The following NWD1 variants were observed in gnomAD, a reference collection of about 807,000 sequenced individuals.
The protein encoded by NWD1 is NACHT domain- and WD repeat-containing protein 1.
NWD1 carries 129 observed loss-of-function variants against 135.1 expected under a neutral mutation model. The ratio of observed to expected loss-of-function variants is 0.96; its 90% CI spans 0.83 to 1.11. The LOEUF is 1.11. Ranked by LOEUF, NWD1 falls within the 50% of genes least tolerant of loss-of-function variation. NWD1 has a pLI of 0.00. For missense variants in NWD1, 1,740 were observed against 1,851.3 expected, an observed-to-expected ratio of 0.94 and a Z score of 1.10; for synonymous variants, 773 against 786.0, an observed-to-expected ratio of 0.98 and a Z score of 0.28.
In NWD1 at chr19:16,729,595, A is replaced by T. The variant is rs1361738727; in HGVS notation, c.-6-1597A>T. 3.3e-5 allele frequency among the ~76,000 whole-genome samples: 5 copies of T among 150,072 alleles called. No homozygotes were observed. In the Admixed American group the frequency reaches 3.3e-4, roughly 10 times the overall value. ...CAAAAAGTAAAAAAAAAAAAAAAAT[A>T]GGCTGGGTGCAGTGGCTCACACCTG... On this transcript the variant is annotated intron_variant, in intron 2 of 18. Transcript: ENST00000524140.
intron 10 of NWD1, among the ~76,000 whole-genome samples, chr19:16,768,001 TTTTTTTG>T (rs1969287625): frequency 7.2e-6 from 1 of 138,886 alleles, no homozygotes; most frequent in African/African-American, 2.7e-5. Flanking sequence ...TTTTTTTTTT[TTTTTTTG>T]CACGACAGAG....
At chr19:16,790,538 G>A (rs1464937229) in intron 13 of NWD1, among the ~76,000 whole-genome samples, 4 of 151,336 alleles carry the variant, frequency 2.6e-5, no homozygotes, top group African/African-American at 4.9e-5. Context: ...CCTAGATGAC[G>A]GGTTGATAGT....
intron 4 of NWD1, 28 bp from the exon 5 acceptor site, chr19:16,744,393 T>C: frequency 6.5e-7 from 1 of 1,532,822 alleles, no homozygotes; most frequent in Non-Finnish European, 8.7e-7. Flanking sequence ...AAAAGTGAGA[T>C]TTGAATCTGT....
chr19:16,764,222 C>T (rs964309616), intron 9 of NWD1, among the ~76,000 whole-genome samples: 1 of 152,110 alleles, frequency 6.6e-6, no homozygotes, highest in Non-Finnish European at 1.5e-5. Flanking sequence ...CACCCTACCA[C>T]AGAAAATAAT....
Position 16,749,870 on chromosome 19 carries a change from C to G in NWD1, c.1228C>G (p.His410Asp), listed in dbSNP as rs1345270888. ...PLPPAQVLDAHTRVVQFFHTL... is the reference protein window; with the variant it reads ...PLPPAQVLDADTRVVQFFHTL... ...GCCCCCTGCCCAGGTTCTGGACGCC[C>G]ACACCAGGGTGGTCCAGTTTTTCCA... The change falls in exon 6 of 19, where the codon CAC (histidine) becomes GAC (aspartate). Residue 410 changes from histidine to aspartate, a missense_variant. Physicochemically the swap from His to Asp is moderately conservative, Grantham distance 81 (BLOSUM62 -1). Coordinates refer to ENST00000524140, the MANE Select transcript of NWD1 (RefSeq NM_001007525.5). The G allele has an allele frequency of 1.9e-6, 3 of 1,613,284 alleles. No homozygotes were observed. The highest frequency in any genetic ancestry group is 2.5e-6 in the Non-Finnish European group (3 of 1,179,968).
chr19:16,720,338 G>A (rs1021052569), intron 1 of NWD1, 45 bp downstream of exon 1: 1 of 152,248 alleles, frequency 6.6e-6, no homozygotes, highest in Admixed American at 6.6e-5. Flanking sequence ...GGCATTGGGA[G>A]TGACTTAAGG....
At chr19:16,770,237 G>T (rs887344301) in intron 10 of NWD1, among the ~76,000 whole-genome samples, 2 of 152,140 alleles carry the variant, frequency 1.3e-5, no homozygotes, top group African/African-American at 4.8e-5. Context: ...TCGAATCATG[G>T]AGGTGTTTTC....
At chr19:16,762,260 A>G (rs1168592021) in intron 8 of NWD1, 122 bp downstream of exon 8, 2 of 792,532 alleles carry the variant, frequency 2.5e-6, no homozygotes, top group Non-Finnish European at 2.0e-6. Flanking sequence ...CTTTCCGCAC[A>G]GAGGGCAAGA....
At chr19:16,750,667 G>C (rs567512263) in intron 6 of NWD1, among the ~76,000 whole-genome samples, 1 of 150,784 alleles carries the variant, frequency 6.6e-6, no homozygotes, top group Non-Finnish European at 1.5e-5. Context: ...TAGGGGTCTG[G>C]CTCTGTCACC....
intron 16 of NWD1, among the ~76,000 whole-genome samples, chr19:16,798,297 T>C (rs1214448447): frequency 2.0e-5 from 3 of 152,156 alleles, no homozygotes; most frequent in Admixed American, 6.6e-5. Context: ...TTATGAGCTA[T>C]TTTTTCCAGT....
chr19:16,765,183 C>T lies in NWD1; in HGVS notation c.2401C>T (p.Arg801Ter), dbSNP rs146432139. The T allele has an allele frequency of 4.8e-5, 77 of 1,613,872 alleles. No homozygotes were observed. The highest frequency in any genetic ancestry group is 2.0e-4 in the East Asian group (9 of 44,890). The stretch of plus-strand genomic sequence containing the variant: ...GCTCTGCCGCCCTGCTGTGGAGCTC[C>T]GAGGCATGGGTGAGTCCAGATGGCC... ...LQLCRPAVEL[R>*]GMERSLLYTE... is the part of the protein sequence containing the mutation. The change falls in exon 10 of 19, where the codon CGA (arginine) becomes TGA (stop). Residue 801 changes from arginine to a stop codon, truncating the protein, a stop_gained. Coordinates refer to ENST00000524140, the MANE Select transcript of NWD1 (RefSeq NM_001007525.5). LOFTEE classifies it high-confidence loss of function.
At chr19:16,791,168 A>C (rs1300970033) in intron 13 of NWD1, among the ~76,000 whole-genome samples, 182 bp from the exon 14 acceptor site, 1 of 152,148 alleles carries the variant, frequency 6.6e-6, no homozygotes, top group Non-Finnish European at 1.5e-5. Context: ...CAGGAGGTCG[A>C]TGCTGCAGTG....
At chr19:16,810,492 GCACAGCAA>G (rs1196834415) in intron 18 of NWD1, among the ~76,000 whole-genome samples, 1 of 151,510 alleles carries the variant, frequency 6.6e-6, no homozygotes, top group Non-Finnish European at 1.5e-5. Flanking sequence ...TCTAGATTAG[GCACAGCAA>G]CTCATGCCTG....
At chr19:16,760,154 C>CAAACT (rs1281264717) in intron 7 of NWD1, among the ~76,000 whole-genome samples, 3 of 147,198 alleles carry the variant, frequency 2.0e-5, no homozygotes, top group South Asian at 2.1e-4. Flanking sequence ...GATCCTGTTT[C>CAAACT]AAACTAAACT....
At chr19:16,810,299 A>G (rs1028735056) in intron 18 of NWD1, among the ~76,000 whole-genome samples, 2 of 151,978 alleles carry the variant, frequency 1.3e-5, no homozygotes, top group South Asian at 2.1e-4. Flanking sequence ...TTAGCCCTGC[A>G]TGGTGGTATG....
At chr19:16,806,418 GC>G (rs1306624800) in intron 17 of NWD1, among the ~76,000 whole-genome samples, 1 of 152,124 alleles carries the variant, frequency 6.6e-6, no homozygotes, top group African/African-American at 2.4e-5. Flanking sequence ...CAAAAGTCTG[GC>G]CCCCTTGCTT....
In NWD1 at chr19:16,815,426, A is replaced by G. The variant is rs1430892554; in HGVS notation, c.*387A>G. On this transcript the variant is annotated 3_prime_UTR_variant, in exon 19 of 19. Coordinates refer to ENST00000524140, the MANE Select transcript of NWD1 (RefSeq NM_001007525.5). ...GCAAAAAGAATACGTTTGCTGGTGT[A>G]TATCTGGACCCATGGCTTCAGATTA... 6.5e-6 allele frequency: 4 copies of G among 613,622 alleles called. No individual in the cohort carries two copies. The highest frequency in any genetic ancestry group is 1.2e-5 in the Non-Finnish European group (4 of 345,302). 38.0% of individuals were successfully genotyped at this position (613,622 alleles called of 1,614,324 possible).
At chr19:16,725,755 G>T (rs10427037) in intron 2 of NWD1, among the ~76,000 whole-genome samples, 13,679 of 151,428 alleles carry the variant, frequency 0.09, 721 homozygotes, top group African/African-American at 0.13. Flanking sequence ...GTTTCACCAT[G>T]TTGGCCAGGC....
chr19:16,760,128 C>T (rs7250172), intron 7 of NWD1, among the ~76,000 whole-genome samples: 3,095 of 152,150 alleles, frequency 0.02, 97 homozygotes, highest in African/African-American at 0.067. Flanking sequence ...GCACTCCAGT[C>T]TGGGTGACAG....
Sources: gnomAD v4.1 joint callset for allele counts (sites outside exome capture counted in the v4.1 genomes callset) on GRCh38, gnomAD v4.1.1 for gene constraint, MANE v1.5 for transcripts, NCBI Gene and HGNC (gene_info 2026-07-23, HGNC 2026-07-21) for gene names.